LPP: variants seen among roughly 807,000 people sequenced by gnomAD.
LPP encodes lipoma-preferred partner.
LPP carries 38 observed loss-of-function variants against 60.4 expected under a neutral mutation model. The ratio of observed to expected loss-of-function variants is 0.63; its 90% CI spans 0.49 to 0.83. The LOEUF (loss-of-function observed/expected upper bound fraction) is 0.83, where lower values mean the gene tolerates loss of function less well. Ranked by LOEUF, LPP falls within the 40% of genes least tolerant of loss-of-function variation. The probability of loss-of-function intolerance (pLI) is 0.00; values close to 1 mark genes in which losing one functional copy is unlikely to be tolerated. For missense variants in LPP, 902 were observed against 783.6 expected (o/e 1.15, Z -1.80); for synonymous variants, 328 against 290.8 (o/e 1.13, Z -1.30).
At chr3:188,342,179 C>G (rs1763234156) in intron 3 of LPP, among the ~76,000 whole-genome samples, 1 of 152,292 alleles carries the variant, frequency 6.6e-6, no homozygotes, top group Admixed American at 6.5e-5. Flanking sequence ...CTGGGTCAGT[C>G]ACTCTCTCTT....
At chr3:188,489,769 G>T (rs572893189) in intron 5 of LPP, among the ~76,000 whole-genome samples, 1 of 152,180 alleles carries the variant, frequency 6.6e-6, no homozygotes, top group South Asian at 2.1e-4. Flanking sequence ...TGATGGCTTT[G>T]AATTCAGGGG....
At chr3:188,280,595 CA>C (rs1297479683) in intron 2 of LPP, among the ~76,000 whole-genome samples, 1 of 152,044 alleles carries the variant, frequency 6.6e-6, no homozygotes. Flanking sequence ...AACAGGTATC[CA>C]GAGTCTAGAA....
intron 2 of LPP, among the ~76,000 whole-genome samples, chr3:188,233,838 G>A (rs1248721999): frequency 1.3e-5 from 2 of 151,874 alleles, no homozygotes; most frequent in African/African-American, 4.8e-5. Flanking sequence ...TTTTAATCTT[G>A]TCATTTTCTT....
chr3:188,726,513 A>G (rs1718445233), intron 8 of LPP, among the ~76,000 whole-genome samples: 1 of 152,188 alleles, frequency 6.6e-6, no homozygotes, highest in Non-Finnish European at 1.5e-5. Flanking sequence ...CATTCCAGTG[A>G]GAAGAAAATG....
intron 1 of LPP, among the ~76,000 whole-genome samples, chr3:188,205,806 C>G (rs1392653255): frequency 2.6e-5 from 4 of 152,082 alleles, no homozygotes; most frequent in Admixed American, 6.5e-5. Context: ...CTGAGAGACT[C>G]CAGGAGTCAT....
intron 2 of LPP, among the ~76,000 whole-genome samples, chr3:188,315,690 T>C (rs1437364063): frequency 2.6e-5 from 4 of 152,202 alleles, no homozygotes; most frequent in African/African-American, 7.2e-5. Context: ...GGTCTACCGT[T>C]GTGCCTGTCA....
intron 6 of LPP, among the ~76,000 whole-genome samples, chr3:188,547,212 T>C (rs111877123): frequency 1.3e-5 from 2 of 152,190 alleles, no homozygotes; most frequent in Non-Finnish European, 2.9e-5. Context: ...CACGTAGATA[T>C]GTTTCTGCAA....
chr3:188,758,539 A>G (rs1731117017), intron 8 of LPP, among the ~76,000 whole-genome samples: 1 of 152,210 alleles, frequency 6.6e-6, no homozygotes, highest in African/African-American at 2.4e-5. Flanking sequence ...AAATCCCACA[A>G]CAGGATATAA....
intron 7 of LPP, among the ~76,000 whole-genome samples, chr3:188,648,387 C>T (rs755178442): frequency 1.3e-5 from 2 of 152,132 alleles, no homozygotes; most frequent in Non-Finnish European, 2.9e-5. Flanking sequence ...AATGCCAAAT[C>T]AGGATGGGAA....
intron 2 of LPP, among the ~76,000 whole-genome samples, chr3:188,297,879 A>G (rs1267262771): frequency 1.3e-5 from 2 of 152,196 alleles, no homozygotes; most frequent in African/African-American, 2.4e-5. Context: ...ATTTTGGCAA[A>G]AGACATATGT....
At chr3:188,859,703 C>A (rs1400571250) in intron 9 of LPP, among the ~76,000 whole-genome samples, 1 of 151,948 alleles carries the variant, frequency 6.6e-6, no homozygotes, top group Non-Finnish European at 1.5e-5. Flanking sequence ...AAAACTGAGG[C>A]AATAGATGCA....
intron 6 of LPP, among the ~76,000 whole-genome samples, chr3:188,563,456 A>ATGTGTGTGTGTG (rs1188690783): frequency 1.7e-4 from 2 of 11,436 alleles, no homozygotes; most frequent in East Asian, 2.3e-3. Context: ...ACATTTACAT[A>ATGTGTGTGTGTG]TATATGTGTG....
intron 3 of LPP, among the ~76,000 whole-genome samples, chr3:188,342,464 A>T (rs1285754736): frequency 6.6e-6 from 1 of 152,218 alleles, no homozygotes; most frequent in African/African-American, 2.4e-5. Flanking sequence ...TCCTAAAGTC[A>T]ACCTGCTGAA....
Position 188,543,173 on chromosome 3 carries a change from T to C in LPP, c.429+18386T>C, listed in dbSNP as rs148783371. On this transcript the variant is annotated intron_variant, in intron 6 of 11. Coordinates refer to ENST00000617246, the MANE Select transcript of LPP (RefSeq NM_001375462.1). The stretch of plus-strand genomic sequence containing the variant: ...ATCGGAAATAGAAGAGGCCATGTCC[T>C]GCCTTTAATCCCCTGGGATAGAGAT... 9.2e-5 allele frequency among the ~76,000 whole-genome samples: 14 copies of C among 152,296 alleles called. No individual in the cohort carries two copies. In the East Asian group the frequency reaches 2.7e-3, roughly 29 times the overall value.
chr3:188,789,856 G>A (rs1008491617), intron 9 of LPP, among the ~76,000 whole-genome samples: 3 of 152,082 alleles, frequency 2.0e-5, no homozygotes, highest in African/African-American at 7.2e-5. Context: ...AAGAAATACA[G>A]TTTAAAATAT....
At chr3:188,715,863 A>T (rs1560106657) in intron 8 of LPP, among the ~76,000 whole-genome samples, 1 of 152,230 alleles carries the variant, frequency 6.6e-6, no homozygotes, top group Non-Finnish European at 1.5e-5. Context: ...TGAAGGCAAC[A>T]CTGTTGGAAG....
intron 5 of LPP, among the ~76,000 whole-genome samples, chr3:188,504,455 T>A (rs893931701): frequency 6.6e-6 from 1 of 152,186 alleles, no homozygotes; most frequent in Non-Finnish European, 1.5e-5. Context: ...TTTATATTTT[T>A]GTTTTGAATA....
At chr3:188,372,753 A>T (rs1773665523) in intron 3 of LPP, among the ~76,000 whole-genome samples, 1 of 151,922 alleles carries the variant, frequency 6.6e-6, no homozygotes, top group South Asian at 2.1e-4. Flanking sequence ...CATGTGTACA[A>T]CGTGCAGGTT....
intron 1 of LPP, chr3:188,179,852 A>C: frequency 3.8e-6 from 1 of 262,694 alleles, no homozygotes; most frequent in Non-Finnish European, 7.6e-6. Flanking sequence ...AGATAATGGC[A>C]CCTTGAGGCC....
Sources: gnomAD v4.1 joint callset for allele counts (sites outside exome capture counted in the v4.1 genomes callset) on GRCh38, gnomAD v4.1.1 for gene constraint, MANE v1.5 for transcripts, NCBI Gene and HGNC (gene_info 2026-07-23, HGNC 2026-07-21) for gene names.